Variants in DLC1 observed in about 807,000 individuals in gnomAD.
DLC1 encodes the protein DLC1 Rho GTPase activating protein, also known as rho GTPase-activating protein 7.
A neutral mutation model predicts 140.3 loss-of-function variants in DLC1; 54 were observed. That is an observed-to-expected ratio of 0.38 (90% CI 0.31 to 0.48). The LOEUF (loss-of-function observed/expected upper bound fraction) is 0.48, where lower values mean the gene tolerates loss of function less well. Among genes scored for constraint, DLC1 ranks in the 20% least tolerant of loss-of-function variants. The pLI, the probability that DLC1 is intolerant of heterozygous loss-of-function variation, is 0.96. For missense variants in DLC1, 2,536 were observed against 1,907.0 expected, an observed-to-expected ratio of 1.33 and a Z score of -6.14; for synonymous variants, 986 against 728.1, an observed-to-expected ratio of 1.35 and a Z score of -5.70.
At chr8:13,399,863 C>G (rs971491912) in intron 3 of DLC1, among the ~76,000 whole-genome samples, 5 of 152,084 alleles carry the variant, frequency 3.3e-5, no homozygotes, top group African/African-American at 1.2e-4. Context: ...GGTAGGGGGG[C>G]GGTGAGTGTT....
chr8:13,105,288 G>A (rs907836801), intron 7 of DLC1, among the ~76,000 whole-genome samples: 4 of 152,116 alleles, frequency 2.6e-5, no homozygotes, highest in Non-Finnish European at 5.9e-5. Context: ...GTTTTCATTT[G>A]TCCTGGAGGA....
rs1477972163 is a variant in DLC1 at position 13,579,354 on chromosome 8, TATATA to T, written c.-126+25178_-126+25182del. Among the ~76,000 whole-genome samples the T allele has an allele frequency of 1.1e-3, 33 of 31,100 alleles. 6 individuals carry two copies. In the East Asian group the frequency reaches 0.013, roughly 13 times the overall value. 20.4% of individuals were successfully genotyped at this position (31,100 alleles called of 152,430 possible). A position where few individuals can be genotyped will look rare whatever the true frequency, so the allele number is the denominator to read the frequency against. On this transcript the variant is annotated intron_variant, in intron 1 of 1. Coordinates refer to the DLC1 transcript ENST00000631382. Reference sequence around the variant, plus strand: ...ATATATATATATATATATATATATATATATATATTTTTATATAATACATATTTATA... The same window carrying T: ...ATATATATATATATATATATATATATTATTTTTATATAATACATATTTATA...
intron 1 of DLC1, among the ~76,000 whole-genome samples, chr8:13,599,840 A>C (rs974088520): frequency 1.7e-4 from 26 of 151,916 alleles, no homozygotes; most frequent in Admixed American, 5.9e-4. Context: ...AAAACATAAA[A>C]ATTTTTATAT....
At position 13,359,361 on chromosome 8, in the gene DLC1, G is replaced by A. The variant is rs371861385; in HGVS notation, c.1314+34192C>T. Among the ~76,000 whole-genome samples, 7 of 152,206 alleles carry A rather than the reference G, an allele frequency of 4.6e-5. No individual in the cohort carries two copies. The East Asian group carries it at 9.7e-4, about 21-fold the overall frequency. On this transcript the variant is annotated intron_variant, in intron 4 of 17. Coordinates refer to ENST00000276297, the MANE Select transcript of DLC1 (RefSeq NM_182643.3). ...ATTTGGCTTTGTTGGGTAATGTTACGCTCAGGTAATGCTATACAAATCTGG... is the reference window on the plus strand; with the variant it reads ...ATTTGGCTTTGTTGGGTAATGTTACACTCAGGTAATGCTATACAAATCTGG...
intron 1 of DLC1, among the ~76,000 whole-genome samples, chr8:13,603,901 A>G (rs1805965785): frequency 6.6e-6 from 1 of 152,104 alleles, no homozygotes; most frequent in Non-Finnish European, 1.5e-5. Context: ...AAGCTTGGTA[A>G]TATATTTCTC....
chr8:13,547,761 C>T (rs528667830), intron 1 of DLC1, among the ~76,000 whole-genome samples: 48 of 152,118 alleles, frequency 3.2e-4, no homozygotes, highest in African/African-American at 1.1e-3. Flanking sequence ...AACTTCATAT[C>T]CCTGCCTACT....
intron 4 of DLC1, among the ~76,000 whole-genome samples, chr8:13,331,182 T>G (rs1463746787): frequency 6.6e-6 from 1 of 152,206 alleles, no homozygotes; most frequent in East Asian, 1.9e-4. Context: ...GATTGGTGGT[T>G]TGTAAACAAG....
intron 2 of DLC1, among the ~76,000 whole-genome samples, chr8:13,469,697 G>T (rs745752468): frequency 1.3e-5 from 2 of 152,134 alleles, no homozygotes; most frequent in Non-Finnish European, 2.9e-5. Context: ...AATAATAAAT[G>T]ATTGAAAGAT....
At chr8:13,288,054 T>C (rs1223429992) in intron 5 of DLC1, among the ~76,000 whole-genome samples, 2 of 152,162 alleles carry the variant, frequency 1.3e-5, no homozygotes, top group African/African-American at 2.4e-5. Flanking sequence ...TGAATTATAA[T>C]AAATCAGAGC....
chr8:13,433,285 T>C (rs1838970658), intron 2 of DLC1, among the ~76,000 whole-genome samples: 1 of 151,962 alleles, frequency 6.6e-6, no homozygotes, highest in South Asian at 2.1e-4. Context: ...TTACTGAAAA[T>C]GTGTAAGGGT....
chr8:13,325,448 AT>A (rs1277500708), intron 4 of DLC1, among the ~76,000 whole-genome samples: 3 of 1,884 alleles, frequency 1.6e-3, no homozygotes, highest in Non-Finnish European at 9.3e-3. Context: ...ATAGTTCTGT[AT>A]ACACACACAC....
chr8:13,390,815 C>T (rs56139124), intron 4 of DLC1, among the ~76,000 whole-genome samples: 4 of 151,688 alleles, frequency 2.6e-5, no homozygotes, highest in Non-Finnish European at 5.9e-5. Context: ...GTGAAACCGT[C>T]TCTCTACTAA....
At chr8:13,429,370 G>A (rs147575526) in intron 2 of DLC1, among the ~76,000 whole-genome samples, 13 of 152,320 alleles carry the variant, frequency 8.5e-5, no homozygotes, top group African/African-American at 3.1e-4. Context: ...TTTATGCAAT[G>A]TAAGTATCTG....
intron 2 of DLC1, among the ~76,000 whole-genome samples, chr8:13,478,559 C>T (rs750387452): frequency 2.0e-5 from 3 of 152,186 alleles, no homozygotes; most frequent in African/African-American, 4.8e-5. Flanking sequence ...CAAGACATCC[C>T]GTTAAGGGAT....
intron 2 of DLC1, among the ~76,000 whole-genome samples, chr8:13,496,131 C>T (rs1410791639): frequency 6.6e-6 from 1 of 152,144 alleles, no homozygotes; most frequent in African/African-American, 2.4e-5. Flanking sequence ...CACTGCATTC[C>T]CTACAGACAT....
intron 2 of DLC1, among the ~76,000 whole-genome samples, chr8:13,491,417 T>A (rs1402590330): frequency 1.3e-5 from 2 of 152,138 alleles, no homozygotes; most frequent in Non-Finnish European, 2.9e-5. Context: ...CAAGCATGTG[T>A]ATGTTACTTA....
At chr8:13,159,930 C>T (rs1265259207) in intron 5 of DLC1, among the ~76,000 whole-genome samples, 4 of 151,094 alleles carry the variant, frequency 2.6e-5, no homozygotes, top group African/African-American at 9.7e-5. Context: ...GAGGCTGAGG[C>T]GGGCAGATGA....
At chr8:13,580,125 A>ATTTTTTT (rs1805034604) in intron 1 of DLC1, among the ~76,000 whole-genome samples, 1 of 12,052 alleles carries the variant, frequency 8.3e-5, no homozygotes, top group African/African-American at 2.7e-4. Flanking sequence ...GGTTACATTT[A>ATTTTTTT]TTTTTTTATT....
intron 2 of DLC1, among the ~76,000 whole-genome samples, chr8:13,450,214 G>C (rs577455532): frequency 1.3e-5 from 2 of 151,944 alleles, no homozygotes; most frequent in South Asian, 2.1e-4. Context: ...CAGCACTTTG[G>C]GGGGCTGAGG....
Sources: allele counts gnomAD v4.1 joint callset (sites outside exome capture counted in the v4.1 genomes callset), GRCh38; gene constraint gnomAD v4.1.1; transcripts MANE v1.5; gene names NCBI Gene and HGNC (gene_info 2026-07-23, HGNC 2026-07-21).